The following LPCAT1 variants were observed in gnomAD, a reference collection of about 807,000 sequenced individuals.
LPCAT1 encodes lysophosphatidylcholine acyltransferase 1, also known as 1-acylglycerol-3-phosphate O-acyltransferase.
In LPCAT1, 23 loss-of-function variants were observed where a neutral mutation model predicts 60.9. That is an observed-to-expected ratio of 0.38 (90% CI 0.27 to 0.53). The LOEUF is 0.53. LPCAT1 is among the 20% of genes least tolerant of loss of function. The pLI is 0.82. For missense variants in LPCAT1, 622 were observed against 723.6 expected (o/e 0.86, Z 1.61); for synonymous variants, 340 against 301.1 (o/e 1.13, Z -1.34).
Position 1,505,223 on chromosome 5 carries a change from A to G in LPCAT1, c.136-3620T>C, listed in dbSNP as rs187755985. On this transcript the variant is annotated intron_variant, in intron 1 of 13. Transcript: ENST00000283415. ...CGGTGTTCCTGAAACAGCACCGACT[A>G]CAACTGCTTCCACCAGAGTGCGGAA... is the stretch of plus-strand genomic sequence containing the variant. 2.3e-3 allele frequency among the ~76,000 whole-genome samples: 339 copies of G among 145,090 alleles called. 1 individual carries two copies. Among genetic ancestry groups the G allele is most frequent in the South Asian group, 4.0e-3 (18 of 4,536 alleles).
At position 1,483,522 on chromosome 5, in the gene LPCAT1, G is replaced by A; in HGVS notation, c.668-36C>T. The A allele has an allele frequency of 6.2e-7, 1 of 1,607,848 alleles. No homozygotes were observed. Among genetic ancestry groups the A allele is most frequent in the Admixed American group, 1.7e-5 (1 of 59,932 alleles). On this transcript the variant is annotated intron_variant, in intron 5 of 13. Transcript: ENST00000283415. This position sits in a 1 kb window ranked among gnomAD's most constrained non-coding sequence, Gnocchi z 9.2. Reference sequence around the variant, plus strand: ...AGGAACAGCGGTGTTGCCCATGGCAGCCCACGCAGGACAGCGTCTGCTGCG... The same window carrying A: ...AGGAACAGCGGTGTTGCCCATGGCAACCCACGCAGGACAGCGTCTGCTGCG...
Position 1,463,458 on chromosome 5 carries a change from C to T in LPCAT1, c.*193G>A. 1 of 639,784 alleles carries T rather than the reference C, an allele frequency of 1.6e-6. No homozygotes were observed. Among genetic ancestry groups the T allele is most frequent in the Non-Finnish European group, 2.6e-6 (1 of 383,186 alleles). 39.6% of individuals were successfully genotyped at this position (639,784 alleles called of 1,614,324 possible). ...GCGTGCGCGCCCTCCGATTCTCGCA[C>T]AGTAAGCGTCGGTTCTGCAACACAC... On this transcript the variant is annotated 3_prime_UTR_variant, in exon 14 of 14. Transcript: ENST00000283415.
At chr5:1,514,346 C>A (rs1238102957) in intron 1 of LPCAT1, among the ~76,000 whole-genome samples, 2 of 152,204 alleles carry the variant, frequency 1.3e-5, no homozygotes, top group Non-Finnish European at 2.9e-5. Context: ...CACGAGGGGC[C>A]ATCGCAGGTG....
chr5:1,485,955 G>T (rs1173925546), intron 5 of LPCAT1, among the ~76,000 whole-genome samples: 2 of 152,228 alleles, frequency 1.3e-5, no homozygotes, highest in East Asian at 3.8e-4. Context: ...CCATCGCTGG[G>T]CCCACGCAGC....
In LPCAT1 at chr5:1,463,732, T is replaced by G. The variant is rs774575491; in HGVS notation, c.1524A>C (p.Pro508=). The G allele has an allele frequency of 6.2e-7, 1 of 1,614,124 alleles. No individual in the cohort carries two copies. Among genetic ancestry groups the G allele is most frequent in the Non-Finnish European group, 8.5e-7 (1 of 1,180,050 alleles). Residue 508 remains proline (P), a synonymous_variant, in exon 14 of 14, where the codon CCA becomes CCC. Transcript: ENST00000283415. ...AATCGGCACAGAAGCCGTTTGGGAT[T>G]GGCGCAGGTGAGGTCTCTGCACAGC... ...FESCAETSPA[P]IPNGFCADFS... is the part of the protein sequence containing the mutation.
At chr5:1,505,573 C>T (rs558747903) in intron 1 of LPCAT1, among the ~76,000 whole-genome samples, 2 of 149,828 alleles carry the variant, frequency 1.3e-5, no homozygotes, top group Non-Finnish European at 3.0e-5. Context: ...GTAGGGTAGT[C>T]AGGCTGCTGG....
At chr5:1,475,544 C>T (rs191834639) in intron 9 of LPCAT1, among the ~76,000 whole-genome samples, 6 of 152,380 alleles carry the variant, frequency 3.9e-5, no homozygotes, top group Admixed American at 6.5e-5. Flanking sequence ...AGGCGAGCCC[C>T]ATCCCAGATG....
In LPCAT1 at chr5:1,480,393, T is replaced by G; in HGVS notation, c.761+549A>C. 3 of 985,212 alleles carry G rather than the reference T, an allele frequency of 3.0e-6. No homozygotes were observed. The highest frequency in any genetic ancestry group is 3.6e-6 in the Non-Finnish European group (3 of 829,826). 61.0% of individuals were successfully genotyped at this position (985,212 alleles called of 1,614,324 possible). On this transcript the variant is annotated intron_variant, in intron 7 of 13. Transcript: ENST00000283415. The surrounding 1 kb of genome is among the most constrained non-coding windows in gnomAD (Gnocchi z 6.4). ...TTGGACTTTCCCGCTCCCTCTGCCC[T>G]CCCGACGTCAGCTCAGACGTCAGCA...
rs1190062436 is a variant in LPCAT1 at position 1,487,318 on chromosome 5, C to A, written c.667+1073G>T. On this transcript the variant is annotated intron_variant, in intron 5 of 13. Coordinates refer to ENST00000283415, the MANE Select transcript of LPCAT1 (RefSeq NM_024830.5). This position sits in a 1 kb window ranked among gnomAD's most constrained non-coding sequence, Gnocchi z 6.1. ...CGTGGTCACCGCGTGCCGCCTCCAC[C>A]CTCTGCATCTCTGGTTCTGATCAGA... Among the ~76,000 whole-genome samples the A allele has an allele frequency of 1.3e-5, 2 of 152,206 alleles. No homozygotes were observed. Among genetic ancestry groups the A allele is most frequent in the African/African-American group, 4.8e-5 (2 of 41,454 alleles).
intron 1 of LPCAT1, among the ~76,000 whole-genome samples, chr5:1,511,082 C>T (rs1736341317): frequency 1.3e-5 from 2 of 152,202 alleles, no homozygotes; most frequent in Admixed American, 1.3e-4. Flanking sequence ...CCCTGGGCCC[C>T]TAAGACGGCA....
rs117955236 is a variant in LPCAT1 at position 1,523,428 on chromosome 5, C to G, written c.135+282G>C. 0.14 allele frequency among the ~76,000 whole-genome samples: 20,500 copies of G among 151,424 alleles called. 1,639 individuals carry two copies. The highest frequency in any genetic ancestry group is 0.28 in the Middle Eastern group (81 of 290). On this transcript the variant is annotated intron_variant, in intron 1 of 13. Coordinates refer to ENST00000283415, the MANE Select transcript of LPCAT1 (RefSeq NM_024830.5). The surrounding 1 kb of genome is among the most constrained non-coding windows in gnomAD (Gnocchi z 7.1). ...GGGTGCAGGGGTCTGGGGGGAGGAG[C>G]AGAACGCGGGGCGGGGATGGGAAGC...
In LPCAT1 at chr5:1,474,038, C is replaced by T; in HGVS notation, c.1098G>A (p.Lys366=). Residue 366 remains lysine (K), a synonymous_variant, in exon 11 of 14, where the codon AAG becomes AAA. Coordinates refer to ENST00000283415, the MANE Select transcript of LPCAT1 (RefSeq NM_024830.5). ...SERARMKGGE[K]IGIAEFAASL... ...AGGCGGCAAACTCCGCAATACCTAT[C>T]TTCTCTCCTCCCTTCATCCTGGCTC... 2 of 1,614,060 alleles carry T rather than the reference C, an allele frequency of 1.2e-6. No homozygotes were observed. Among genetic ancestry groups the T allele is most frequent in the Non-Finnish European group, 1.7e-6 (2 of 1,179,892 alleles).
At chr5:1,509,976 T>C (rs547679668) in intron 1 of LPCAT1, among the ~76,000 whole-genome samples, 9 of 152,306 alleles carry the variant, frequency 5.9e-5, no homozygotes, top group African/African-American at 2.2e-4. Context: ...ACGGGGACGG[T>C]TTCATTGGGA....
Position 1,483,964 on chromosome 5 carries a change from A to C in LPCAT1, c.668-478T>G, listed in dbSNP as rs1735272243. 6.6e-6 allele frequency among the ~76,000 whole-genome samples: 1 copy of C among 152,030 alleles called. No homozygotes were observed. The highest frequency in any genetic ancestry group is 2.1e-4 in the South Asian group (1 of 4,830). Reference sequence around the variant, plus strand: ...CACCAGCTGGAAGGCGTTGGTGGGAAGTGGGGGTCCTCATCACCGGCCAAT... The same window carrying C: ...CACCAGCTGGAAGGCGTTGGTGGGACGTGGGGGTCCTCATCACCGGCCAAT... On this transcript the variant is annotated intron_variant, in intron 5 of 13. Transcript: ENST00000283415. The surrounding 1 kb of genome is among the most constrained non-coding windows in gnomAD (Gnocchi z 9.2).
chr5:1,510,538 C>T (rs1383488683), intron 1 of LPCAT1, among the ~76,000 whole-genome samples: 2 of 152,242 alleles, frequency 1.3e-5, no homozygotes, highest in African/African-American at 2.4e-5. Flanking sequence ...CAACCCACTC[C>T]AGTCCACGGG....
intron 1 of LPCAT1, among the ~76,000 whole-genome samples, chr5:1,511,810 A>G (rs1038552719): frequency 6.6e-6 from 1 of 152,182 alleles, no homozygotes; most frequent in Non-Finnish European, 1.5e-5. Context: ...GAGCAGCCTC[A>G]TGCATCTGCA....
chr5:1,519,015 C>A (rs960642789), intron 1 of LPCAT1, among the ~76,000 whole-genome samples: 1 of 152,222 alleles, frequency 6.6e-6, no homozygotes, highest in Non-Finnish European at 1.5e-5. Context: ...CCATGGCTCA[C>A]GCCAGCCTGG....
rs10708465 is a variant in LPCAT1 at position 1,495,330 on chromosome 5, T to TG, written c.279-417dup. Among the ~76,000 whole-genome samples the TG allele has an allele frequency of 0.042, 5,851 of 140,082 alleles. 196 individuals are homozygous for TG. Among genetic ancestry groups the TG allele is most frequent in the African/African-American group, 0.09 (3,453 of 38,326 alleles). 91.9% of individuals were successfully genotyped at this position (140,082 alleles called of 152,430 possible). The stretch of plus-strand genomic sequence containing the variant: ...AACACCTAAAACGCATATCGCAATA[T>TG]GGGGGGGGGGGCGCTCAGAGCTGAG... On this transcript the variant is annotated intron_variant, in intron 2 of 13. Transcript: ENST00000283415. This position sits in a 1 kb window ranked among gnomAD's most constrained non-coding sequence, Gnocchi z 4.7.
Position 1,462,728 on chromosome 5 carries a change from C to CA in LPCAT1, c.*922dup, listed in dbSNP as rs1433084386. The CA allele has an allele frequency of 1.3e-5, 2 of 152,282 alleles. No individual in the cohort carries two copies. Among genetic ancestry groups the CA allele is most frequent in the African/African-American group, 4.8e-5 (2 of 41,474 alleles). The allele number at this position is 152,282 out of a possible 1,614,324, so 9.4% of individuals were successfully genotyped here. ...CACGGCGGCGGCTGCCTTGCGCTTC[C>CA]AGCTCGGGCCCTGCTCATTTGAACA... On this transcript the variant is annotated 3_prime_UTR_variant, in exon 14 of 14. Transcript: ENST00000283415.
Sources: allele counts gnomAD v4.1 joint callset (sites outside exome capture counted in the v4.1 genomes callset), GRCh38; gene constraint gnomAD v4.1.1; non-coding constraint Gnocchi (gnomAD v3.1); transcripts MANE v1.5; gene names NCBI Gene and HGNC (gene_info 2026-07-23, HGNC 2026-07-21).